Variants in ELAVL4 observed in about 807,000 individuals in gnomAD.
The protein encoded by ELAVL4 is ELAV like RNA binding protein 4, also known as ELAV-like protein 4.
A neutral mutation model predicts 35.6 loss-of-function variants in ELAVL4; 1 was observed. That is an observed-to-expected ratio of 0.03 (90% CI 0.01 to 0.13). The LOEUF (loss-of-function observed/expected upper bound fraction) is 0.13, where lower values mean the gene tolerates loss of function less well. ELAVL4 is among the 10% of genes least tolerant of loss of function. The probability of loss-of-function intolerance (pLI) is 1.00; values close to 1 mark genes in which losing one functional copy is unlikely to be tolerated. For synonymous variants in ELAVL4, 156 were observed against 171.0 expected (o/e 0.91, Z 0.69); for missense variants, 267 against 464.9 (o/e 0.57, Z 3.91).
chr1:50,153,384 G>C (rs905602830), intron 2 of ELAVL4, among the ~76,000 whole-genome samples: 4 of 152,198 alleles, frequency 2.6e-5, no homozygotes, highest in African/African-American at 9.6e-5. Flanking sequence ...CCTGATCAGT[G>C]ATTTTATTCC....
intron 1 of ELAVL4, among the ~76,000 whole-genome samples, chr1:50,134,170 A>G (rs1438515659): frequency 6.6e-6 from 1 of 152,200 alleles, no homozygotes; most frequent in Non-Finnish European, 1.5e-5. Flanking sequence ...ATCATGATAC[A>G]TATGTGGAAT....
At chr1:50,058,810 C>T (rs201287699) in intron 1 of ELAVL4, among the ~76,000 whole-genome samples, 1 of 152,022 alleles carries the variant, frequency 6.6e-6, no homozygotes, top group East Asian at 1.9e-4. Flanking sequence ...CCCCATGTTG[C>T]CCAGGCTGGT....
intron 1 of ELAVL4, among the ~76,000 whole-genome samples, chr1:50,060,389 T>C (rs1165866107): frequency 6.6e-6 from 1 of 152,140 alleles, no homozygotes; most frequent in African/African-American, 2.4e-5. Context: ...AACAGGAGTG[T>C]CCACATTCCT....
chr1:50,124,762 G>A (rs1199185321), intron 1 of ELAVL4, among the ~76,000 whole-genome samples: 1 of 152,048 alleles, frequency 6.6e-6, no homozygotes, highest in African/African-American at 2.4e-5. Flanking sequence ...TCAAATCCTG[G>A]CTTTATCAGT....
At chr1:50,059,747 T>A (rs2148475952) in intron 1 of ELAVL4, among the ~76,000 whole-genome samples, 1 of 151,824 alleles carries the variant, frequency 6.6e-6, no homozygotes, top group East Asian at 1.9e-4. Context: ...ACAAATTGTT[T>A]TATATAATGC....
intron 3 of ELAVL4, among the ~76,000 whole-genome samples, chr1:50,186,801 G>A (rs936798330): frequency 6.6e-5 from 10 of 150,636 alleles, no homozygotes; most frequent in Non-Finnish European, 1.3e-4. Flanking sequence ...GGCACAATCG[G>A]AACTCATTAG....
Position 50,193,868 on chromosome 1 carries a change from C to T in ELAVL4, c.458C>T (p.Ser153Leu), listed in dbSNP as rs1175579240. 8 of 1,614,098 alleles carry T rather than the reference C, an allele frequency of 5.0e-6. No homozygotes were observed. The highest frequency in any genetic ancestry group is 1.1e-5 in the South Asian group (1 of 91,076). ...MTQKELEQLFSQYGRIITSRI... is the reference protein window; with the variant it reads ...MTQKELEQLFLQYGRIITSRI... ...CAGAAGGAACTGGAGCAACTTTTCT[C>T]GCAATACGGCCGTATCATCACCTCA... The change falls in exon 4 of 7, where the codon TCG (serine) becomes TTG (leucine). Residue 153 changes from serine (S) to leucine (L), a missense_variant. By Grantham distance (145) the Ser-to-Leu change is moderately radical. This residue lies in a region of ELAVL4 where 216 missense variants were observed against 409.5 expected (regional missense o/e 0.53). Transcript: ENST00000371824.
intron 1 of ELAVL4, among the ~76,000 whole-genome samples, chr1:50,078,583 C>A (rs1294168976): frequency 6.6e-6 from 1 of 152,102 alleles, no homozygotes; most frequent in Admixed American, 6.5e-5. Context: ...GACTCCAAAG[C>A]CAGTAGGGCT....
intron 1 of ELAVL4, among the ~76,000 whole-genome samples, chr1:50,140,005 T>C (rs1396823275): frequency 6.6e-6 from 1 of 152,236 alleles, no homozygotes; most frequent in Non-Finnish European, 1.5e-5. Context: ...GCCTGTATAA[T>C]GTTTCTTAAA....
At chr1:50,112,219 G>C (rs1408198423) in intron 1 of ELAVL4, among the ~76,000 whole-genome samples, 1 of 151,938 alleles carries the variant, frequency 6.6e-6, no homozygotes, top group African/African-American at 2.4e-5. Flanking sequence ...CATATGTTGA[G>C]TGCATAAGCC....
At chr1:50,186,628 A>T (rs912918508) in intron 3 of ELAVL4, among the ~76,000 whole-genome samples, 20 of 140,452 alleles carry the variant, frequency 1.4e-4, no homozygotes, top group Admixed American at 8.2e-4. Context: ...AAACAAAGAC[A>T]TAGAAATAGA....
chr1:50,186,056 A>G (rs539545803), intron 3 of ELAVL4, among the ~76,000 whole-genome samples: 177 of 151,986 alleles, frequency 1.2e-3, no homozygotes, highest in Non-Finnish European at 1.9e-3. Flanking sequence ...CTCTTTGATA[A>G]TTTGATAGAT....
rs760185271 is a variant in ELAVL4, at chr1:50,133,599, A to G, written c.10-11358A>G. On this transcript the variant is annotated intron_variant, in intron 1 of 6. Transcript: ENST00000371824. The stretch of plus-strand genomic sequence containing the variant: ...GAGAGAGAGAAAGAAAGAAAGAAAG[A>G]AAAGAAAGAAAGAAAGAAAGAAAGA... Among the ~76,000 whole-genome samples the G allele has an allele frequency of 7.3e-3, 942 of 129,234 alleles. 5 individuals are homozygous for G. The highest frequency in any genetic ancestry group is 9.9e-3 in the Non-Finnish European group (603 of 61,144). The allele number at this position is 129,234 out of a possible 152,430, so 84.8% of individuals were successfully genotyped here.
chr1:50,059,157 G>A (rs1366999984), intron 1 of ELAVL4, among the ~76,000 whole-genome samples: 1 of 152,080 alleles, frequency 6.6e-6, no homozygotes, highest in Non-Finnish European at 1.5e-5. Flanking sequence ...CACCCTTGTA[G>A]AGCTTGCATT....
chr1:50,178,552 A>G (rs1572554368), intron 3 of ELAVL4, among the ~76,000 whole-genome samples: 1 of 152,228 alleles, frequency 6.6e-6, no homozygotes, highest in Admixed American at 6.5e-5. Flanking sequence ...CCTGATACAC[A>G]AAGATCCCAA....
At position 50,072,563 on chromosome 1, in the gene ELAVL4, A is replaced by G. The variant is rs545419018; in HGVS notation, c.18+24381A>G. Among the ~76,000 whole-genome samples the G allele has an allele frequency of 4.6e-5, 7 of 152,262 alleles. 1 individual carries two copies. In the South Asian group the frequency reaches 1.2e-3, roughly 27 times the overall value. Reference sequence around the variant, plus strand: ...GTTTGGAAAAGAAAGAGCTATGGACAAATAACTCTCTCCCTCAAGCTCATC... The same window carrying G: ...GTTTGGAAAAGAAAGAGCTATGGACGAATAACTCTCTCCCTCAAGCTCATC... On this transcript the variant is annotated intron_variant, in intron 1 of 6. Transcript: ENST00000448907.
At chr1:50,163,598 G>C (rs539074875) in intron 2 of ELAVL4, among the ~76,000 whole-genome samples, 9 of 152,110 alleles carry the variant, frequency 5.9e-5, no homozygotes, top group African/African-American at 1.9e-4. Flanking sequence ...AGGTCGAGGC[G>C]GCAGATCACT....
chr1:50,200,627 A>G (rs969213267), intron 6 of ELAVL4, among the ~76,000 whole-genome samples: 1 of 152,102 alleles, frequency 6.6e-6, no homozygotes, highest in East Asian at 1.9e-4. Flanking sequence ...TTAGAAATTG[A>G]CCTAGGTCTT....
At chr1:50,177,588 A>G (rs1362600896) in intron 3 of ELAVL4, among the ~76,000 whole-genome samples, 1 of 152,204 alleles carries the variant, frequency 6.6e-6, no homozygotes, top group Non-Finnish European at 1.5e-5. Context: ...GTGAGCAGGG[A>G]CAGCATATAA....
Sources: allele counts gnomAD v4.1 joint callset (sites outside exome capture counted in the v4.1 genomes callset), GRCh38; gene constraint gnomAD v4.1.1; regional missense constraint gnomAD v4.1.1; transcripts MANE v1.5; gene names NCBI Gene and HGNC (gene_info 2026-07-23, HGNC 2026-07-21).